The following GTF2F2 variants were observed in gnomAD, a reference collection of about 807,000 sequenced individuals.
The protein encoded by GTF2F2 is ATP-dependent helicase GTF2F2.
In GTF2F2, 23 loss-of-function variants were observed where a neutral mutation model predicts 42.2. That is an observed-to-expected ratio of 0.55 (90% CI 0.39 to 0.77). The LOEUF (loss-of-function observed/expected upper bound fraction) is 0.77, where lower values mean the gene tolerates loss of function less well. Ranked by LOEUF, GTF2F2 falls within the 30% of genes least tolerant of loss-of-function variation. The pLI, the probability that GTF2F2 is intolerant of heterozygous loss-of-function variation, is 0.00. For synonymous variants in GTF2F2, 105 were observed against 100.8 expected (o/e 1.04, Z -0.25); for missense variants, 261 against 287.2 (o/e 0.91, Z 0.66).
chr13:45,204,954 G>C (rs892429785), intron 4 of GTF2F2, among the ~76,000 whole-genome samples: 6 of 152,200 alleles, frequency 3.9e-5, no homozygotes, highest in African/African-American at 1.4e-4. Context: ...TGGTGGCCAA[G>C]TTGTAATGGG....
chr13:45,252,325 G>A (rs1418265804), intron 5 of GTF2F2, among the ~76,000 whole-genome samples: 1 of 151,588 alleles, frequency 6.6e-6, no homozygotes, highest in African/African-American at 2.4e-5. Flanking sequence ...TTAATTTTTT[G>A]TAGAGACAGG....
intron 5 of GTF2F2, among the ~76,000 whole-genome samples, chr13:45,241,387 G>A (rs1379383523): frequency 6.6e-6 from 1 of 151,924 alleles, no homozygotes; most frequent in Non-Finnish European, 1.5e-5. Flanking sequence ...ACAGGCCCCT[G>A]TAGACATTTG....
intron 7 of GTF2F2, among the ~76,000 whole-genome samples, chr13:45,278,140 G>A (rs917322603): frequency 1.3e-5 from 2 of 152,130 alleles, no homozygotes; most frequent in African/African-American, 4.8e-5. Flanking sequence ...AATGGTAGGG[G>A]GTGGAGGGAC....
chr13:45,169,076 A>C (rs563382970), intron 4 of GTF2F2, among the ~76,000 whole-genome samples: 46 of 151,270 alleles, frequency 3.0e-4, no homozygotes, highest in Admixed American at 5.3e-4. Context: ...GTTGGTTTCG[A>C]ACTCCTGACC....
At chr13:45,121,171 T>G (rs546714602) in intron 1 of GTF2F2, among the ~76,000 whole-genome samples, 20 of 152,342 alleles carry the variant, frequency 1.3e-4, no homozygotes, top group African/African-American at 4.8e-4. Context: ...TCTCTTAGGT[T>G]GATGGTCCTT....
intron 3 of GTF2F2, 144 bp downstream of exon 3, chr13:45,149,932 AC>A (rs1344229196): frequency 7.4e-6 from 5 of 672,354 alleles, no homozygotes; most frequent in Admixed American, 4.3e-5. Context: ...TATAAATGCC[AC>A]CCTTGTGTGA....
chr13:45,194,221 A>T, intron 4 of GTF2F2: 1 of 1,614,106 alleles, frequency 6.2e-7, no homozygotes, highest in Non-Finnish European at 8.5e-7. Context: ...GAGCTGAAAG[A>T]ATTCTGCTTC....
rs1877382138 is a variant in GTF2F2, at chr13:45,284,341, G to T, written c.*780G>T. The T allele has an allele frequency of 1.3e-5, 2 of 152,084 alleles. No individual in the cohort carries two copies. Among genetic ancestry groups the T allele is most frequent in the Admixed American group, 1.3e-4 (2 of 15,258 alleles). The allele number at this position is 152,084 out of a possible 1,614,324, so 9.4% of individuals were successfully genotyped here. On this transcript the variant is annotated 3_prime_UTR_variant, in exon 8 of 8. Coordinates refer to ENST00000340473, the MANE Select transcript of GTF2F2 (RefSeq NM_004128.3). ...ATGTATTGACCATCACATGGCAAATGATATCAGCAAATCAAAAGATGGGCG... is the reference window on the plus strand; with the variant it reads ...ATGTATTGACCATCACATGGCAAATTATATCAGCAAATCAAAAGATGGGCG...
At chr13:45,153,011 A>ATT (rs374461737) in intron 4 of GTF2F2, among the ~76,000 whole-genome samples, 11 of 141,688 alleles carry the variant, frequency 7.8e-5, no homozygotes, top group South Asian at 2.2e-4. Flanking sequence ...ATCCTCGTAA[A>ATT]TTTTTTTTTT....
At chr13:45,161,897 T>C (rs973982743) in intron 4 of GTF2F2, among the ~76,000 whole-genome samples, 4 of 152,346 alleles carry the variant, frequency 2.6e-5, no homozygotes, top group Middle Eastern at 6.8e-3. Flanking sequence ...TGAACCACTT[T>C]TAAACTATTT....
intron 5 of GTF2F2, among the ~76,000 whole-genome samples, chr13:45,230,437 T>G (rs1014787708): frequency 6.6e-6 from 1 of 152,050 alleles, no homozygotes; most frequent in Non-Finnish European, 1.5e-5. Context: ...ACAAGGACTT[T>G]AGTAGGAGAA....
intron 4 of GTF2F2, among the ~76,000 whole-genome samples, chr13:45,160,931 C>G (rs973464296): frequency 2.0e-5 from 3 of 152,144 alleles, no homozygotes; most frequent in African/African-American, 7.2e-5. Context: ...CAAACAGTTG[C>G]AACTATGCTT....
At chr13:45,144,495 C>G (rs1198677528) in intron 2 of GTF2F2, among the ~76,000 whole-genome samples, 2 of 119,306 alleles carry the variant, frequency 1.7e-5, no homozygotes, top group African/African-American at 6.4e-5. Flanking sequence ...GAGTCTCACT[C>G]AGTCACCCAG....
At chr13:45,189,885 T>C (rs4275752) in intron 4 of GTF2F2, among the ~76,000 whole-genome samples, 60,898 of 151,920 alleles carry the variant, frequency 0.4, 16,229 homozygotes, top group African/African-American at 0.76. Context: ...TTTGCAATAC[T>C]ATTCAGGATG....
chr13:45,253,812 A>C (rs569879975), intron 6 of GTF2F2, among the ~76,000 whole-genome samples: 1 of 152,316 alleles, frequency 6.6e-6, no homozygotes, highest in African/African-American at 2.4e-5. Flanking sequence ...GCGGTGGCTC[A>C]CGCCTGTAAT....
intron 6 of GTF2F2, among the ~76,000 whole-genome samples, chr13:45,254,080 AAAAAAAG>A (rs1489524852): frequency 6.6e-6 from 1 of 152,030 alleles, no homozygotes; most frequent in Non-Finnish European, 1.5e-5. Flanking sequence ...AAAAAAAAAA[AAAAAAAG>A]AAAGAAGAAG....
At chr13:45,178,876 T>G (rs1006284097) in intron 4 of GTF2F2, among the ~76,000 whole-genome samples, 2 of 152,164 alleles carry the variant, frequency 1.3e-5, no homozygotes, top group East Asian at 3.9e-4. Context: ...GCATCTGCAT[T>G]CAGCTGGGGG....
intron 7 of GTF2F2, among the ~76,000 whole-genome samples, chr13:45,268,991 G>T (rs2138266360): frequency 1.3e-5 from 2 of 152,252 alleles, no homozygotes; most frequent in Admixed American, 1.3e-4. Flanking sequence ...GACTTAAGGG[G>T]ATCCATTAAC....
At chr13:45,137,618 C>T (rs1419789303) in intron 2 of GTF2F2, among the ~76,000 whole-genome samples, 1 of 152,188 alleles carries the variant, frequency 6.6e-6, no homozygotes, top group East Asian at 1.9e-4. Flanking sequence ...GGGGCAACAG[C>T]TATTTATTTC....
Sources: gnomAD v4.1 joint callset for allele counts (sites outside exome capture counted in the v4.1 genomes callset) on GRCh38, gnomAD v4.1.1 for gene constraint, MANE v1.5 for transcripts, NCBI Gene and HGNC (gene_info 2026-07-23, HGNC 2026-07-21) for gene names.